Variants in GABRG3 observed in about 807,000 individuals in gnomAD.
The protein encoded by GABRG3 is gamma-aminobutyric acid type A receptor subunit gamma3.
Under a neutral mutation model 48.8 loss-of-function variants are expected in GABRG3, and 25 were observed. The ratio of observed to expected loss-of-function variants is 0.51; its 90% CI spans 0.37 to 0.72. The LOEUF (loss-of-function observed/expected upper bound fraction) is 0.72, where lower values mean the gene tolerates loss of function less well. Ranked by LOEUF, GABRG3 falls within the 30% of genes least tolerant of loss-of-function variation. GABRG3 has a pLI of 0.00. For synonymous variants in GABRG3, 227 were observed against 217.6 expected (o/e 1.04, Z -0.38); for missense variants, 394 against 577.9 (o/e 0.68, Z 3.26).
chr15:26,990,540 G>A (rs546629487), intron 2 of GABRG3, among the ~76,000 whole-genome samples: 1 of 152,210 alleles, frequency 6.6e-6, no homozygotes, highest in African/African-American at 2.4e-5. Flanking sequence ...TTGTCAGATG[G>A]ATAGTTTGCA....
intron 3 of GABRG3, among the ~76,000 whole-genome samples, chr15:27,042,198 C>A (rs1343060701): frequency 6.6e-6 from 1 of 152,184 alleles, no homozygotes; most frequent in Non-Finnish European, 1.5e-5. Context: ...AGCATTTGTC[C>A]CCTAGACCAG....
At chr15:27,307,053 A>G (rs1892576692) in intron 3 of GABRG3, among the ~76,000 whole-genome samples, 1 of 126,218 alleles carries the variant, frequency 7.9e-6, no homozygotes, top group Non-Finnish European at 1.6e-5. Context: ...ACATGTTTAT[A>G]TATAAACATG....
intron 3 of GABRG3, among the ~76,000 whole-genome samples, chr15:27,060,636 G>T (rs1369217173): frequency 6.6e-6 from 1 of 152,208 alleles, no homozygotes; most frequent in African/African-American, 2.4e-5. Context: ...TTTCTGACGA[G>T]TCCCTGCCCA....
At chr15:27,287,379 T>C (rs1891647623) in intron 3 of GABRG3, among the ~76,000 whole-genome samples, 1 of 152,244 alleles carries the variant, frequency 6.6e-6, no homozygotes, top group African/African-American at 2.4e-5. Context: ...AGTGATCCAG[T>C]ATTCAGAGAT....
chr15:27,056,659 C>G (rs1159283972), intron 3 of GABRG3, among the ~76,000 whole-genome samples: 1 of 152,140 alleles, frequency 6.6e-6, no homozygotes, highest in Non-Finnish European at 1.5e-5. Context: ...CAAGCTCAGA[C>G]TGAATGGGAA....
Position 27,270,110 on chromosome 15 carries a change from C to A in GABRG3, c.271-56699C>A, listed in dbSNP as rs189871705. On this transcript the variant is annotated intron_variant, in intron 3 of 9. Transcript: ENST00000615808. ...AGATAATGAGTGTTCTAGATAGAAT[C>A]CAAAATAGCAGGGTGTAGAGTAATA... 8.9e-4 allele frequency among the ~76,000 whole-genome samples: 136 copies of A among 152,140 alleles called. 1 individual carries two copies. The highest frequency in any genetic ancestry group is 3.0e-3 in the African/African-American group (124 of 41,488).
intron 2 of GABRG3, among the ~76,000 whole-genome samples, chr15:26,997,991 G>C (rs1272192991): frequency 6.6e-6 from 1 of 152,190 alleles, no homozygotes; most frequent in African/African-American, 2.4e-5. Context: ...GCCCTAGTGA[G>C]ATTTACAATC....
chr15:27,132,292 T>C (rs1001672511), intron 3 of GABRG3, among the ~76,000 whole-genome samples: 1 of 151,956 alleles, frequency 6.6e-6, no homozygotes, highest in Non-Finnish European at 1.5e-5. Context: ...GTTTAATCCA[T>C]TTGAGTTGTT....
chr15:27,517,479 T>C (rs11074289), intron 6 of GABRG3, among the ~76,000 whole-genome samples: 96,428 of 152,140 alleles, frequency 0.63, 31,974 homozygotes, highest in African/African-American at 0.84. Context: ...ATACTGAGCA[T>C]AGGCATGGGG....
chr15:27,122,987 C>T (rs1595536936), intron 3 of GABRG3, among the ~76,000 whole-genome samples: 1 of 152,166 alleles, frequency 6.6e-6, no homozygotes, highest in Non-Finnish European at 1.5e-5. Context: ...AGATGAAGGG[C>T]AAAGATGGGC....
chr15:27,372,185 C>T (rs931304698), intron 5 of GABRG3, among the ~76,000 whole-genome samples: 1 of 152,016 alleles, frequency 6.6e-6, no homozygotes, highest in Admixed American at 6.6e-5. Flanking sequence ...CACTATTATT[C>T]TGACTTCATT....
At chr15:27,430,448 G>A (rs1393521854) in intron 5 of GABRG3, among the ~76,000 whole-genome samples, 2 of 151,714 alleles carry the variant, frequency 1.3e-5, no homozygotes, top group Admixed American at 6.6e-5. Context: ...TTTGCTTTTG[G>A]TGTATTATCT....
chr15:27,131,866 A>G (rs567912761), intron 3 of GABRG3, among the ~76,000 whole-genome samples: 1 of 151,934 alleles, frequency 6.6e-6, no homozygotes, highest in Non-Finnish European at 1.5e-5. Context: ...TTGATTTTTC[A>G]TTTCCCTGAT....
At chr15:27,506,164 A>G (rs1393648751) in intron 6 of GABRG3, among the ~76,000 whole-genome samples, 1 of 152,114 alleles carries the variant, frequency 6.6e-6, no homozygotes, top group Non-Finnish European at 1.5e-5. Context: ...ATCAGTTGCA[A>G]TGGGGAGAAT....
rs1006139322 is a variant in GABRG3 at position 27,256,397 on chromosome 15, C to G, written c.271-70412C>G. 1.9e-4 allele frequency among the ~76,000 whole-genome samples: 29 copies of G among 149,502 alleles called. No homozygotes were observed. In the Middle Eastern group the frequency reaches 0.014, roughly 72 times the overall value. On this transcript the variant is annotated intron_variant, in intron 3 of 9. Transcript: ENST00000615808. Reference sequence around the variant, plus strand: ...CAGTGCTTGCAGTGAGCCGAGATGGCGCCACTGCACTCCAGCCTGGGCGAC... The same window carrying G: ...CAGTGCTTGCAGTGAGCCGAGATGGGGCCACTGCACTCCAGCCTGGGCGAC...
At chr15:27,029,639 C>T (rs901062137) in intron 3 of GABRG3, among the ~76,000 whole-genome samples, 1 of 152,188 alleles carries the variant, frequency 6.6e-6, no homozygotes, top group Admixed American at 6.5e-5. Flanking sequence ...CGCACATTTG[C>T]CATCCGACTA....
At chr15:27,214,183 G>C (rs1889164822) in intron 3 of GABRG3, among the ~76,000 whole-genome samples, 1 of 152,188 alleles carries the variant, frequency 6.6e-6, no homozygotes, top group South Asian at 2.1e-4. Context: ...AAGACAGAAG[G>C]CATTGTTAAA....
At chr15:27,509,444 C>T (rs1481666818) in intron 6 of GABRG3, among the ~76,000 whole-genome samples, 2 of 152,022 alleles carry the variant, frequency 1.3e-5, no homozygotes, top group African/African-American at 2.4e-5. Context: ...ATATTGTTTT[C>T]TCTTCTTCTT....
At chr15:27,058,613 A>G (rs1315142401) in intron 3 of GABRG3, among the ~76,000 whole-genome samples, 1 of 150,840 alleles carries the variant, frequency 6.6e-6, no homozygotes, top group Non-Finnish European at 1.5e-5. Flanking sequence ...ATTTGTTGCA[A>G]CCTGTGAAAG....
Sources: allele counts gnomAD v4.1 joint callset (sites outside exome capture counted in the v4.1 genomes callset), GRCh38; gene constraint gnomAD v4.1.1; transcripts MANE v1.5; gene names NCBI Gene and HGNC (gene_info 2026-07-23, HGNC 2026-07-21).